BGN: variants seen among roughly 807,000 people sequenced by gnomAD.
BGN encodes bone/cartilage proteoglycan-I.
Under a neutral mutation model 20.0 loss-of-function variants are expected in BGN, and 6 were observed. The observed-to-expected ratio is 0.30, with a 90% confidence interval of 0.16 to 0.59. The LOEUF (loss-of-function observed/expected upper bound fraction) is 0.59. Ranked by LOEUF, BGN falls within the 20% of genes least tolerant of loss-of-function variation. BGN has a pLI of 0.88. For missense variants in BGN, 292 were observed against 312.1 expected, an observed-to-expected ratio of 0.94 and a Z score of 0.49; for synonymous variants, 146 against 134.6, an observed-to-expected ratio of 1.08 and a Z score of -0.59.
chrX:153,496,952 A>AC, intron 1 of BGN, among the ~76,000 whole-genome samples: 1 of 17,489 alleles, frequency 5.7e-5, no homozygotes, highest in Non-Finnish European at 1.0e-4. Flanking sequence ...TCCCGGGCCC[A>AC]CCCCCCACCC....
Position 153,508,664 on chromosome X carries a change from T to A in BGN, c.*219T>A, listed in dbSNP as rs1473691039. The A allele has an allele frequency of 2.2e-6, 1 of 450,757 alleles. No individual in the cohort carries two copies. The highest frequency in any genetic ancestry group is 3.8e-6 in the Non-Finnish European group (1 of 264,724). The allele number at this position is 450,757 out of a possible 1,213,427, so 37.1% of individuals were successfully genotyped here. On this transcript the variant is annotated 3_prime_UTR_variant, in exon 8 of 8. Coordinates refer to ENST00000331595, the MANE Select transcript of BGN (RefSeq NM_001711.6). ...GCAAGGCCCGGCCCCCATCACATGTTCCCTTGGCCTCAGAGCTGCCCCTGC... is the reference window on the plus strand; with the variant it reads ...GCAAGGCCCGGCCCCCATCACATGTACCCTTGGCCTCAGAGCTGCCCCTGC...
chrX:153,496,764 A>G lies in BGN; in HGVS notation c.-12+1651A>G, dbSNP rs1209567130. ...CTGTCTTTAGCAACATTCCAGAGTC[A>G]CTCAAACAAAGCTATAGCGTGTCCC... On this transcript the variant is annotated intron_variant, in intron 1 of 7. Transcript: ENST00000331595. Among the ~76,000 whole-genome samples, 5 of 111,907 alleles carry G rather than the reference A, an allele frequency of 4.5e-5. No homozygotes were observed. In the Admixed American group the frequency reaches 4.7e-4, roughly 10 times the overall value.
intron 1 of BGN, among the ~76,000 whole-genome samples, chrX:153,500,286 T>C (rs1036498416): frequency 8.9e-6 from 1 of 112,951 alleles, no homozygotes; most frequent in African/African-American, 3.2e-5. Flanking sequence ...CACTCACACC[T>C]GCGGTCGCCA....
At position 153,507,081 on chromosome X, in the gene BGN, G is replaced by A. The variant is rs782533891; in HGVS notation, c.805G>A (p.Glu269Lys). The A allele has an allele frequency of 8.3e-6, 10 of 1,207,686 alleles. No individual in the cohort carries two copies. The East Asian group carries it at 8.9e-5, about 11-fold the overall frequency. Reference sequence around the variant, plus strand: ...AGGCCACAACCAGATCAGGATGATCGAGAACGGGAGCCTGAGCTTCCTGCC... The same window carrying A: ...AGGCCACAACCAGATCAGGATGATCAAGAACGGGAGCCTGAGCTTCCTGCC... ...GLGHNQIRMI[E>K]NGSLSFLPTL... Residue 269 changes from glutamate (E) to lysine (K), a missense_variant, in exon 7 of 8, where the codon GAG (glutamate) becomes AAG (lysine). Glu to Lys is a moderately conservative substitution (Grantham distance 56). Coordinates refer to ENST00000331595, the MANE Select transcript of BGN (RefSeq NM_001711.6).
intron 1 of BGN, among the ~76,000 whole-genome samples, chrX:153,502,713 G>A (rs1378697032): frequency 8.8e-6 from 1 of 113,154 alleles, no homozygotes; most frequent in Admixed American, 9.2e-5. Context: ...GAGGCTCGGT[G>A]CTGCCCCAGC....
rs782630798 is a variant in BGN, at chrX:153,505,138, G to A, written c.239-100G>A. ...GCTGGATGGCTCCAAGTTCATGCTG[G>A]TGATGGTGGTGGGGCCCCTAGGTCT... is the stretch of plus-strand genomic sequence containing the variant. On this transcript the variant is annotated intron_variant, in intron 2 of 7. Coordinates refer to ENST00000331595, the MANE Select transcript of BGN (RefSeq NM_001711.6). The A allele has an allele frequency of 1.2e-5, 8 of 675,530 alleles. No homozygotes were observed. The South Asian group carries it at 1.9e-4, about 16-fold the overall frequency. The allele number at this position is 675,530 out of a possible 1,213,427, so 55.7% of individuals were successfully genotyped here. A position where few individuals can be genotyped will look rare whatever the true frequency, so the allele number is the denominator to read the frequency against.
chrX:153,498,978 G>T (rs1346724467), intron 1 of BGN, among the ~76,000 whole-genome samples: 1 of 111,980 alleles, frequency 8.9e-6, no homozygotes, highest in African/African-American at 3.2e-5. Context: ...TGCATTGGGA[G>T]AGGGTGGGTC....
At chrX:153,495,421 T>C (rs1053805162) in intron 1 of BGN, 1 of 111,681 alleles carries the variant, frequency 9.0e-6, no homozygotes, top group Non-Finnish European at 1.9e-5. Context: ...CCGCTCGGGG[T>C]CCGTCTTCTT....
At chrX:153,502,289 G>A (rs782492196) in intron 1 of BGN, among the ~76,000 whole-genome samples, 16 of 112,464 alleles carry the variant, frequency 1.4e-4, no homozygotes, top group Non-Finnish European at 3.0e-4. Context: ...CCTGGAGCTT[G>A]CCAGGGCTCT....
At chrX:153,502,437 C>T (rs1419492158) in intron 1 of BGN, among the ~76,000 whole-genome samples, 1 of 112,331 alleles carries the variant, frequency 8.9e-6, no homozygotes, top group Non-Finnish European at 1.9e-5. Flanking sequence ...CCTTCCTGTT[C>T]TCTCCCACTG....
chrX:153,507,239 T>A (rs1335692823), intron 7 of BGN, 54 bp downstream of exon 7: 10 of 1,144,494 alleles, frequency 8.7e-6, no homozygotes, highest in Non-Finnish European at 1.0e-5. Context: ...GGGGGAGGCG[T>A]GTGTGTCCCC....
At chrX:153,496,161 G>A (rs1239949591) in intron 1 of BGN, among the ~76,000 whole-genome samples, 1 of 112,541 alleles carries the variant, frequency 8.9e-6, no homozygotes, top group East Asian at 2.8e-4. Flanking sequence ...CTCTCCTGCT[G>A]TCCTGGCTGC....
chrX:153,498,928 G>A (rs1194546905), intron 1 of BGN, among the ~76,000 whole-genome samples: 1 of 112,015 alleles, frequency 8.9e-6, no homozygotes, highest in Non-Finnish European at 1.9e-5. Flanking sequence ...ACAGCCCCGA[G>A]AGTGTGAAGC....
chrX:153,507,992 C>T (rs782253283), intron 7 of BGN, among the ~76,000 whole-genome samples: 11 of 113,155 alleles, frequency 9.7e-5, no homozygotes, highest in Non-Finnish European at 1.5e-4. Context: ...TCTACCCCAG[C>T]CCCGCCCCCA....
intron 5 of BGN, 50 bp downstream of exon 5, chrX:153,506,689 A>G: frequency 1.7e-6 from 2 of 1,168,550 alleles, no homozygotes; most frequent in East Asian, 3.0e-5. Context: ...CCCCAACAGC[A>G]CAGATGGCCA....
At chrX:153,498,941 G>A (rs1204330265) in intron 1 of BGN, among the ~76,000 whole-genome samples, 6 of 111,912 alleles carry the variant, frequency 5.4e-5, no homozygotes, top group African/African-American at 1.9e-4. Flanking sequence ...TGTGAAGCGT[G>A]TCAGCTTTGG....
chrX:153,496,868 GCA>G, intron 1 of BGN, among the ~76,000 whole-genome samples: 1 of 110,301 alleles, frequency 9.1e-6, no homozygotes, highest in Non-Finnish European at 1.9e-5. Context: ...AGAGCCTTCA[GCA>G]AGGGCTTCTG....
Position 153,506,644 on chromosome X carries a change from G to A in BGN, c.676+5G>A. 1 of 1,207,052 alleles carries A rather than the reference G, an allele frequency of 8.3e-7. No homozygotes were observed. On this transcript the variant is annotated splice_donor_5th_base_variant and intron_variant, in intron 5 of 7. Transcript: ENST00000331595. ...AGCTGACTGGCATCCCCAAAGGTAG[G>A]AAGCCCACTCTTCCTGCACGCCTGC...
At position 153,508,516 on chromosome X, in the gene BGN, G is replaced by A; in HGVS notation, c.*71G>A. 9.0e-7 allele frequency: 1 copy of A among 1,116,056 alleles called. No individual in the cohort carries two copies. The highest frequency in any genetic ancestry group is 2.0e-5 in the South Asian group (1 of 49,863). The allele number at this position is 1,116,056 out of a possible 1,213,427, so 92.0% of individuals were successfully genotyped here. On this transcript the variant is annotated 3_prime_UTR_variant, in exon 8 of 8. Transcript: ENST00000331595. The stretch of plus-strand genomic sequence containing the variant: ...ACACAGCCAGACATCCTGATGGGGA[G>A]GCAGAGCCAGGAAGCTAAGCCAGGG...
Sources: gnomAD v4.1 joint callset for allele counts (sites outside exome capture counted in the v4.1 genomes callset) on GRCh38, gnomAD v4.1.1 for gene constraint, MANE v1.5 for transcripts, NCBI Gene and HGNC (gene_info 2026-07-23, HGNC 2026-07-21) for gene names.